The following COA1 variants were observed in gnomAD, a reference collection of about 807,000 sequenced individuals.
The protein encoded by COA1 is cytochrome c oxidase assembly factor 1 homolog.
A neutral mutation model predicts 16.0 loss-of-function variants in COA1; 13 were observed. The observed-to-expected ratio is 0.81, with a 90% CI of 0.53 to 1.29. The LOEUF (loss-of-function observed/expected upper bound fraction) is 1.29, where lower values mean the gene tolerates loss of function less well. Ranked by LOEUF, COA1 falls within the 50% of genes most tolerant of loss-of-function variation. The pLI, the probability that COA1 is intolerant of heterozygous loss-of-function variation, is 0.00. For missense variants in COA1, 179 were observed against 177.0 expected, an observed-to-expected ratio of 1.01 and a Z score of -0.06; for synonymous variants, 65 against 65.7, an observed-to-expected ratio of 0.99 and a Z score of 0.05.
At chr7:43,615,948 A>G (rs2083300701) in intron 6 of COA1, among the ~76,000 whole-genome samples, 1 of 152,074 alleles carries the variant, frequency 6.6e-6, no homozygotes, top group East Asian at 1.9e-4. Context: ...ACACACCCCA[A>G]GCAACCACTC....
chr7:43,670,825 T>C (rs1007044657), intron 1 of COA1, among the ~76,000 whole-genome samples: 4 of 152,268 alleles, frequency 2.6e-5, no homozygotes, highest in Admixed American at 6.5e-5. Flanking sequence ...GTCTCTCTCT[T>C]GTTTACTGCC....
At position 43,659,800 on chromosome 7, in the gene COA1, T is replaced by C. The variant is rs1242728758; in HGVS notation, c.-38-11148A>G. ...CCCCCATTCTATATTAGGGGCTGAATTGTGTCCTCCCAAAATTCATATGTT... is the reference window on the plus strand; with the variant it reads ...CCCCCATTCTATATTAGGGGCTGAACTGTGTCCTCCCAAAATTCATATGTT... On this transcript the variant is annotated intron_variant, in intron 1 of 5. Coordinates refer to ENST00000223336, the MANE Select transcript of COA1 (RefSeq NM_018224.4). 5.9e-5 allele frequency among the ~76,000 whole-genome samples: 9 copies of C among 152,282 alleles called. No homozygotes were observed. The East Asian group carries it at 1.2e-3, about 20-fold the overall frequency.
At chr7:43,644,706 TAGATTAGATAGA>T (rs1489860038) in intron 4 of COA1, among the ~76,000 whole-genome samples, 1 of 62,490 alleles carries the variant, frequency 1.6e-5, no homozygotes, top group Non-Finnish European at 3.7e-5. Context: ...TATAGATAGA[TAGATTAGATAGA>T]TAGATAGATA....
chr7:43,676,395 C>T (rs780516584), intron 1 of COA1, among the ~76,000 whole-genome samples: 6 of 152,084 alleles, frequency 3.9e-5, no homozygotes, highest in African/African-American at 1.2e-4. Context: ...GGTATATATA[C>T]GCAATAGAAT....
At chr7:43,670,062 A>G (rs1162927354) in intron 1 of COA1, among the ~76,000 whole-genome samples, 2 of 152,216 alleles carry the variant, frequency 1.3e-5, no homozygotes, top group African/African-American at 4.8e-5. Context: ...AGTAACACAA[A>G]TATAAAGGAT....
chr7:43,609,981 C>T (rs1383164927), intron 6 of COA1, among the ~76,000 whole-genome samples: 1 of 152,220 alleles, frequency 6.6e-6, no homozygotes, highest in African/African-American at 2.4e-5. Flanking sequence ...TAGGCCACAA[C>T]CCTAAAGTTT....
chr7:43,706,378 A>C (rs112521359), intron 1 of COA1, among the ~76,000 whole-genome samples: 5,351 of 151,804 alleles, frequency 0.035, 285 homozygotes, highest in African/African-American at 0.12. Flanking sequence ...CTACAAAAAA[A>C]TAAATAAATA....
At chr7:43,644,697 ATAGATAGATAGAT>A (rs958262509) in intron 4 of COA1, among the ~76,000 whole-genome samples, 4 of 75,652 alleles carry the variant, frequency 5.3e-5, no homozygotes, top group South Asian at 5.0e-4. Context: ...TGGCTAAATT[ATAGATAGATAGAT>A]TAGATAGATA....
At chr7:43,637,636 A>G (rs2153054880), downstream of COA1, among the ~76,000 whole-genome samples, 1 of 152,338 alleles carries the variant, frequency 6.6e-6, no homozygotes, top group East Asian at 1.9e-4. Context: ...GACAGTGTCT[A>G]CTGCAGTGAT....
At chr7:43,728,166 G>A (rs1249984660) in intron 1 of COA1, among the ~76,000 whole-genome samples, 1 of 152,030 alleles carries the variant, frequency 6.6e-6, no homozygotes, top group Non-Finnish European at 1.5e-5. Flanking sequence ...AGTGGAGACG[G>A]GGTTTCACCG....
intron 1 of COA1, among the ~76,000 whole-genome samples, chr7:43,668,449 T>C (rs1015117635): frequency 6.6e-6 from 1 of 152,220 alleles, no homozygotes; most frequent in African/African-American, 2.4e-5. Flanking sequence ...AAGACTAAAA[T>C]TTATTCTACA....
chr7:43,640,533 T>C (rs1333566266), intron 5 of COA1, 40 bp downstream of exon 5: 1 of 1,429,454 alleles, frequency 7.0e-7, no homozygotes, highest in Non-Finnish European at 9.8e-7. Flanking sequence ...TCAGGAAGTC[T>C]TCCTCCCGCT....
chr7:43,708,943 G>A (rs1484822447), intron 1 of COA1, among the ~76,000 whole-genome samples: 2 of 151,624 alleles, frequency 1.3e-5, no homozygotes, highest in East Asian at 3.9e-4. Flanking sequence ...CATTTTTTAT[G>A]GTTAATGCTT....
intron 1 of COA1, among the ~76,000 whole-genome samples, chr7:43,655,568 G>A (rs751103101): frequency 2.0e-5 from 3 of 152,086 alleles, no homozygotes; most frequent in Admixed American, 6.5e-5. Flanking sequence ...AGGCTGAGGC[G>A]GAAGAATCGT....
At position 43,640,581 on chromosome 7, in the gene COA1, G is replaced by A. The variant is rs200156983; in HGVS notation, c.333C>T (p.Pro111=). The A allele has an allele frequency of 5.0e-6, 8 of 1,604,346 alleles. No individual in the cohort carries two copies. In the East Asian group the frequency reaches 1.6e-4, roughly 32 times the overall value. Residue 111 remains proline (P), a synonymous_variant, in exon 5 of 6, where the codon CCC becomes CCT. Transcript: ENST00000223336. ...TCACCTTCCCAGGATACCTCTGAAAGGGGCCACCTCTGGATGAGTGGACGT... is the reference window on the plus strand; with the variant it reads ...TCACCTTCCCAGGATACCTCTGAAAAGGGCCACCTCTGGATGAGTGGACGT... ...LLYVHSSRGG[P]FQRWHLDEVF...
At chr7:43,728,595 A>C (rs997602136) in intron 1 of COA1, among the ~76,000 whole-genome samples, 1 of 152,160 alleles carries the variant, frequency 6.6e-6, no homozygotes, top group African/African-American at 2.4e-5. Flanking sequence ...CAGAATCAAG[A>C]CCCTGTAGGC....
At chr7:43,718,362 G>A (rs1211948388) in intron 1 of COA1, among the ~76,000 whole-genome samples, 4 of 152,148 alleles carry the variant, frequency 2.6e-5, no homozygotes, top group African/African-American at 9.7e-5. Flanking sequence ...GGTTTTAGTC[G>A]GTGTCAGCAT....
intron 6 of COA1, chr7:43,609,696 TC>T (rs1316589405): frequency 6.6e-6 from 1 of 152,170 alleles, no homozygotes; most frequent in East Asian, 1.9e-4. Context: ...CAACCCTAGT[TC>T]CTAGTGTTTA....
intron 1 of COA1, among the ~76,000 whole-genome samples, chr7:43,679,993 A>C (rs1052781548): frequency 5.9e-5 from 9 of 152,194 alleles, no homozygotes; most frequent in Admixed American, 3.3e-4. Flanking sequence ...CTGAATGGAA[A>C]GGTTTAACAG....
Sources: gnomAD v4.1 joint callset for allele counts (sites outside exome capture counted in the v4.1 genomes callset) on GRCh38, gnomAD v4.1.1 for gene constraint, MANE v1.5 for transcripts, NCBI Gene and HGNC (gene_info 2026-07-23, HGNC 2026-07-21) for gene names.